The following APOA4 variants were observed in gnomAD, a reference collection of about 807,000 sequenced individuals.
APOA4 encodes the protein apolipoprotein A4.
A neutral mutation model predicts 33.6 loss-of-function variants in APOA4; 25 were observed. The ratio of observed to expected loss-of-function variants is 0.74; its 90% CI spans 0.54 to 1.04. The LOEUF is 1.04. APOA4 is among the 50% of genes least tolerant of loss of function. The pLI is 0.00. For synonymous variants in APOA4, 228 were observed against 224.0 expected (o/e 1.02, Z -0.16); for missense variants, 549 against 510.4 (o/e 1.08, Z -0.73).
chr11:116,822,931 G>C, intron 1 of APOA4, 146 bp from the exon 2 acceptor site: 1 of 1,449,070 alleles, frequency 6.9e-7, no homozygotes, highest in East Asian at 2.3e-5. Flanking sequence ...AAGCCACAGG[G>C]ATATGTGAAA....
rs996778369 is a variant in APOA4, at chr11:116,822,756, C to G, written c.79G>C (p.Val27Leu). 6 of 1,614,054 alleles carry G rather than the reference C, an allele frequency of 3.7e-6. No individual in the cohort carries two copies. Among genetic ancestry groups the G allele is most frequent in the Non-Finnish European group, 5.1e-6 (6 of 1,180,028 alleles). Residue 27 changes from valine (V) to leucine (L), a missense_variant, in exon 2 of 3, where the codon GTG becomes CTG. By Grantham distance (32) the Val-to-Leu change is conservative. Coordinates refer to ENST00000357780, the MANE Select transcript of APOA4 (RefSeq NM_000482.4). Reference sequence around the variant, plus strand: ...AAGTAGTCCCACATCACCGTGGCCACCTGGTCAGCACTGACCTCAGCCCTG... The same window carrying G: ...AAGTAGTCCCACATCACCGTGGCCAGCTGGTCAGCACTGACCTCAGCCCTG... ...GARAEVSADQ[V>L]ATVMWDYFSQ...
chr11:116,822,008 C>T (rs1941333276), intron 2 of APOA4, 127 bp from the exon 3 acceptor site: 5 of 1,214,974 alleles, frequency 4.1e-6, no homozygotes, highest in Non-Finnish European at 6.0e-6. Context: ...GTACCGAGTT[C>T]ACCCTCCCTA....
chr11:116,823,114 A>G, intron 1 of APOA4, 29 bp downstream of exon 1: 2 of 1,613,510 alleles, frequency 1.2e-6, no homozygotes, highest in Non-Finnish European at 8.5e-7. Flanking sequence ...GCAGCCCAGG[A>G]GTGCCATCCA....
Position 116,820,945 on chromosome 11 carries a change from A to G in APOA4, c.1113T>C (p.Pro371=), listed in dbSNP as rs1410132360. The change falls in exon 3 of 3, where the codon CCT becomes CCC. Residue 371 remains proline (P), a synonymous_variant. Transcript: ENST00000357780. ...KESQDKTLSL[P]ELEQQQEQQQ... ...GCTGTTCCTGCTGTTGCTCCAGCTC[A>G]GGGAGGGAGAGAGTCTTGTCCTGGC... The G allele has an allele frequency of 6.2e-7, 1 of 1,613,796 alleles. No individual in the cohort carries two copies. Among genetic ancestry groups the G allele is most frequent in the Non-Finnish European group, 8.5e-7 (1 of 1,180,020 alleles).
At chr11:116,821,916 T>C (rs1941332083) in intron 2 of APOA4, 35 bp from the exon 3 acceptor site, 2 of 1,608,738 alleles carry the variant, frequency 1.2e-6, no homozygotes, top group East Asian at 4.5e-5. Flanking sequence ...CACGTTACAT[T>C]TGGCATTTAC....
Position 116,821,384 on chromosome 11 carries a change from G to A in APOA4, c.674C>T (p.Pro225Leu). ...TVEELRRSLA[P>L]YAQDTQEKLN... ...CTTCTCCTGCGTGTCCTGAGCATAG[G>A]GAGCCAGGCTGCGGCGCAGCTCCTC... The change falls in exon 3 of 3, where the codon CCC becomes CTC. Residue 225 changes from proline (P) to leucine (L), a missense_variant. By Grantham distance (98) the Pro-to-Leu change is moderately conservative. Coordinates refer to ENST00000357780, the MANE Select transcript of APOA4 (RefSeq NM_000482.4). 1 of 1,614,152 alleles carries A rather than the reference G, an allele frequency of 6.2e-7. No homozygotes were observed. Among genetic ancestry groups the A allele is most frequent in the Non-Finnish European group, 8.5e-7 (1 of 1,180,026 alleles).
At position 116,821,594 on chromosome 11, in the gene APOA4, C is replaced by T. The variant is rs1340839418; in HGVS notation, c.464G>A (p.Arg155His). 6 of 1,609,758 alleles carry T rather than the reference C, an allele frequency of 3.7e-6. No homozygotes were observed. The highest frequency in any genetic ancestry group is 2.2e-5 in the East Asian group (1 of 44,828). Residue 155 changes from arginine (R) to histidine (H), a missense_variant, in exon 3 of 3, where the codon CGC becomes CAC. Physicochemically the swap from Arg to His is conservative, Grantham distance 29 (BLOSUM62 0). Coordinates refer to ENST00000357780, the MANE Select transcript of APOA4 (RefSeq NM_000482.4). ...QVSTQAEQLR[R>H]QLTPYAQRME... The stretch of plus-strand genomic sequence containing the variant: ...GCGCTGTGCGTAGGGGGTCAGCTGG[C>T]GCCGCAGCTGCTCGGCCTGCGTGCT...
intron 1 of APOA4, 54 bp from the exon 2 acceptor site, chr11:116,822,839 T>C: frequency 6.2e-7 from 1 of 1,611,638 alleles, no homozygotes; most frequent in Non-Finnish European, 8.5e-7. Context: ...GTGGCCCCTC[T>C]GCTCCAGCTC....
chr11:116,821,902 A>T, intron 2 of APOA4, 21 bp from the exon 3 acceptor site: 1 of 1,611,220 alleles, frequency 6.2e-7, no homozygotes, highest in East Asian at 2.2e-5. Flanking sequence ...GGGCACAAGG[A>T]GGCCACGTTA....
In APOA4 at chr11:116,821,226, G is replaced by T. The variant is rs1291305528; in HGVS notation, c.832C>A (p.Leu278Met). The T allele has an allele frequency of 2.5e-6, 4 of 1,613,184 alleles. No homozygotes were observed. In the African/African-American group the frequency reaches 4.0e-5, roughly 16 times the overall value. ...APLAEDVRGN[L>M]RGNTEGLQKS... ...TGCAGCCCCTCGGTGTTGCCCCTCA[G>T]GTTGCCACGCACGTCCTCGGCCAAG... Residue 278 changes from leucine (L) to methionine (M), a missense_variant, in exon 3 of 3, where the codon CTG (leucine) becomes ATG (methionine). Transcript: ENST00000357780.
At chr11:116,822,484 G>A (rs764781226) in intron 2 of APOA4, among the ~76,000 whole-genome samples, 175 bp downstream of exon 2, 4 of 152,162 alleles carry the variant, frequency 2.6e-5, no homozygotes, top group Admixed American at 6.5e-5. Flanking sequence ...GGGATTATTC[G>A]GTCCAAACTT....
Position 116,821,772 on chromosome 11 carries a change from C to T in APOA4, c.286G>A (p.Glu96Lys). ...TTCCCAATCTCCTCCTTCAGTTTCT[C>T]CGAGTCCTTGGCCAGGCGTTCATGC... Reference protein sequence around the residue: ...ELHERLAKDSEKLKEEIGKEL... With the variant: ...ELHERLAKDSKKLKEEIGKEL... Residue 96 changes from glutamate (E) to lysine (K), a missense_variant, in exon 3 of 3, where the codon GAG (glutamate) becomes AAG (lysine). Physicochemically the swap from Glu to Lys is moderately conservative, Grantham distance 56. Transcript: ENST00000357780. 6.3e-7 allele frequency: 1 copy of T among 1,575,756 alleles called. No individual in the cohort carries two copies. The highest frequency in any genetic ancestry group is 8.7e-7 in the Non-Finnish European group (1 of 1,145,170).
rs1472082353 is a variant in APOA4, at chr11:116,821,893, G to A, written c.177-12C>T. On this transcript the variant is annotated splice_polypyrimidine_tract_variant and intron_variant, in intron 2 of 2. Transcript: ENST00000357780. ...CCTGGAAGAGGGCACTGTGGGGAAGGGCACAAGGAGGCCACGTTACATTTG... is the reference window on the plus strand; with the variant it reads ...CCTGGAAGAGGGCACTGTGGGGAAGAGCACAAGGAGGCCACGTTACATTTG... The A allele has an allele frequency of 1.2e-6, 2 of 1,612,072 alleles. No individual in the cohort carries two copies. Among genetic ancestry groups the A allele is most frequent in the Non-Finnish European group, 1.7e-6 (2 of 1,180,040 alleles).
chr11:116,821,798 A>T lies in APOA4; in HGVS notation c.260T>A (p.Leu87Gln). The T allele has an allele frequency of 6.3e-7, 1 of 1,599,420 alleles. No homozygotes were observed. Residue 87 changes from leucine (L) to glutamine (Q), a missense_variant, in exon 3 of 3, where the codon CTG (leucine) becomes CAG (glutamine). Leu to Gln is a moderately radical substitution (Grantham distance 113). Coordinates refer to ENST00000357780, the MANE Select transcript of APOA4 (RefSeq NM_000482.4). ...CGAGTCCTTGGCCAGGCGTTCATGC[A>T]GCTCGGTGGCAAAGGGCACCAGCTT... ...QKKLVPFATE[L>Q]HERLAKDSEK...
intron 1 of APOA4, 104 bp from the exon 2 acceptor site, chr11:116,822,889 G>A: frequency 6.4e-7 from 1 of 1,570,552 alleles, no homozygotes; most frequent in Non-Finnish European, 8.7e-7. Flanking sequence ...GCCTCAACCT[G>A]CCATTTTCCC....
Position 116,821,503 on chromosome 11 carries a change from C to G in APOA4, c.555G>C (p.Glu185Asp), listed in dbSNP as rs1031228451. The change falls in exon 3 of 3, where the codon GAG (glutamate) becomes GAC (aspartate). Residue 185 changes from glutamate (E) to aspartate (D), a missense_variant. Transcript: ENST00000357780. ...LQASLRPHAD[E>D]LKAKIDQNVE... ...CGTTCTGGTCGATCTTGGCCTTGAG[C>G]TCGTCGGCGTGGGGCCTCAGCGAGG... The G allele has an allele frequency of 6.2e-7, 1 of 1,613,906 alleles. No individual in the cohort carries two copies. The highest frequency in any genetic ancestry group is 1.3e-5 in the African/African-American group (1 of 74,948).
Position 116,821,972 on chromosome 11 carries a change from G to A in APOA4, c.177-91C>T, listed in dbSNP as rs1346784394. The stretch of plus-strand genomic sequence containing the variant: ...TGTATACCACTCGCCTTATGCACAC[G>A]TGCTAGGACAGGTGAGTGCTCAGAG... On this transcript the variant is annotated intron_variant, in intron 2 of 2. Transcript: ENST00000357780. The A allele has an allele frequency of 4.6e-5, 72 of 1,548,744 alleles. 1 individual carries two copies. The East Asian group carries it at 1.4e-3, about 29-fold the overall frequency.
At position 116,821,103 on chromosome 11, in the gene APOA4, C is replaced by T. The variant is rs1941314533; in HGVS notation, c.955G>A (p.Val319Met). 6.2e-7 allele frequency: 1 copy of T among 1,613,976 alleles called. No homozygotes were observed. The highest frequency in any genetic ancestry group is 1.3e-5 in the African/African-American group (1 of 74,946). Reference sequence around the variant, plus strand: ...TGCCTGAGCTGTTCCATCTGCTGCACCAGGGCTTTGTTGAAGTTTTCCCCG... The same window carrying T: ...TGCCTGAGCTGTTCCATCTGCTGCATCAGGGCTTTGTTGAAGTTTTCCCCG... Reference protein sequence around the residue: ...PYGENFNKALVQQMEQLRQKL... With the variant: ...PYGENFNKALMQQMEQLRQKL... Residue 319 changes from valine (V) to methionine (M), a missense_variant, in exon 3 of 3, where the codon GTG becomes ATG. Coordinates refer to ENST00000357780, the MANE Select transcript of APOA4 (RefSeq NM_000482.4).
At position 116,821,556 on chromosome 11, in the gene APOA4, G is replaced by A; in HGVS notation, c.502C>T (p.Leu168=). The change falls in exon 3 of 3, where the codon CTG becomes TTG. Residue 168 remains leucine (L), a synonymous_variant. Transcript: ENST00000357780. ...TPYAQRMERV[L]RENADSLQAS... is the part of the protein sequence containing the mutation. The stretch of plus-strand genomic sequence containing the variant: ...TGCAGGCTGTCGGCGTTCTCCCGCA[G>A]CACTCTCTCCATGCGCTGTGCGTAG... 6.2e-7 allele frequency: 1 copy of A among 1,612,112 alleles called. No individual in the cohort carries two copies. Among genetic ancestry groups the A allele is most frequent in the Non-Finnish European group, 8.5e-7 (1 of 1,179,968 alleles).
Sources: allele counts gnomAD v4.1 joint callset (sites outside exome capture counted in the v4.1 genomes callset), GRCh38; gene constraint gnomAD v4.1.1; transcripts MANE v1.5; gene names NCBI Gene and HGNC (gene_info 2026-07-23, HGNC 2026-07-21).